CTNND2: variants seen among roughly 807,000 people sequenced by gnomAD.
CTNND2 encodes the protein catenin delta-2.
In CTNND2, 22 loss-of-function variants were observed where a neutral mutation model predicts 144.4. That is an observed-to-expected ratio of 0.15 (90% CI 0.11 to 0.22). The LOEUF is 0.22. Among genes scored for constraint, CTNND2 ranks in the 10% least tolerant of loss-of-function variants. The pLI is 1.00. For synonymous variants in CTNND2, 751 were observed against 695.6 expected (o/e 1.08, Z -1.25); for missense variants, 1,353 against 1,618.8 (o/e 0.84, Z 2.82).
At chr5:11,652,575 GTTTC>G (rs1458579157) in intron 2 of CTNND2, among the ~76,000 whole-genome samples, 2 of 152,052 alleles carry the variant, frequency 1.3e-5, no homozygotes, top group Non-Finnish European at 2.9e-5. Context: ...GGAAAGCATT[GTTTC>G]TTTATTTTCC....
rs903098395 is a variant in CTNND2 at position 11,186,551 on chromosome 5, A to G, written c.1975+12897T>C. Among the ~76,000 whole-genome samples the G allele has an allele frequency of 3.3e-5, 5 of 152,346 alleles. No individual in the cohort carries two copies. In the South Asian group the frequency reaches 8.3e-4, roughly 25 times the overall value. ...ATTTTCATTGGATAGTGTAGTTACC[A>G]TTAGCGTCAAATTATTTTGGCGTCT... On this transcript the variant is annotated intron_variant, in intron 11 of 21. Transcript: ENST00000304623.
At chr5:11,560,004 T>A (rs908282917) in intron 3 of CTNND2, among the ~76,000 whole-genome samples, 3 of 152,138 alleles carry the variant, frequency 2.0e-5, no homozygotes, top group Non-Finnish European at 4.4e-5. Context: ...GTGGCCCACA[T>A]TGCCAGACTC....
intron 3 of CTNND2, among the ~76,000 whole-genome samples, chr5:11,444,041 T>C (rs1011715631): frequency 2.0e-5 from 3 of 152,238 alleles, no homozygotes; most frequent in Non-Finnish European, 4.4e-5. Context: ...GTTGGCTTTG[T>C]TTAATTTCGT....
chr5:11,801,196 G>A (rs1024982350), intron 1 of CTNND2, among the ~76,000 whole-genome samples: 1 of 152,170 alleles, frequency 6.6e-6, no homozygotes, highest in Non-Finnish European at 1.5e-5. Context: ...TAGCTGATGG[G>A]TACCAGTTAA....
At chr5:11,300,860 G>A (rs921890401) in intron 9 of CTNND2, among the ~76,000 whole-genome samples, 5 of 152,144 alleles carry the variant, frequency 3.3e-5, no homozygotes, top group Non-Finnish European at 7.3e-5. Context: ...AGTAGAAAGG[G>A]AAGATGTCTT....
At chr5:11,154,734 GA>G (rs1758062938) in intron 12 of CTNND2, among the ~76,000 whole-genome samples, 1 of 152,190 alleles carries the variant, frequency 6.6e-6, no homozygotes, top group Non-Finnish European at 1.5e-5. Flanking sequence ...CTGGACGCCA[GA>G]AATCTAAAAT....
intron 10 of CTNND2, among the ~76,000 whole-genome samples, chr5:11,225,792 T>G (rs1019564979): frequency 6.6e-6 from 1 of 152,222 alleles, no homozygotes; most frequent in Non-Finnish European, 1.5e-5. Flanking sequence ...CCACAAAAGA[T>G]ATATTGAAAC....
rs535046327 is a variant in CTNND2, at chr5:11,287,248, C to T, written c.1629-50425G>A. On this transcript the variant is annotated intron_variant, in intron 9 of 21. Coordinates refer to ENST00000304623, the MANE Select transcript of CTNND2 (RefSeq NM_001332.4). ...TTAAATCAGTCAACTTTAAGTAAGGCAGATAACCCAAAATGCGCATGGGCC... is the reference window on the plus strand; with the variant it reads ...TTAAATCAGTCAACTTTAAGTAAGGTAGATAACCCAAAATGCGCATGGGCC... Among the ~76,000 whole-genome samples, 7 of 152,128 alleles carry T rather than the reference C, an allele frequency of 4.6e-5. No homozygotes were observed. The South Asian group carries it at 1.2e-3, about 27-fold the overall frequency.
chr5:11,331,810 G>A (rs1211388437), intron 9 of CTNND2, among the ~76,000 whole-genome samples: 1 of 152,130 alleles, frequency 6.6e-6, no homozygotes, highest in Non-Finnish European at 1.5e-5. Context: ...TGGTCAATGA[G>A]TACAAAATTA....
intron 9 of CTNND2, among the ~76,000 whole-genome samples, chr5:11,323,850 C>T (rs1185652263): frequency 6.6e-6 from 1 of 152,064 alleles, no homozygotes; most frequent in Non-Finnish European, 1.5e-5. Flanking sequence ...TAAGCAGATG[C>T]CATCAGAAAA....
chr5:11,092,195 A>C (rs948330595), intron 15 of CTNND2, among the ~76,000 whole-genome samples: 1 of 152,160 alleles, frequency 6.6e-6, no homozygotes, highest in African/African-American at 2.4e-5. Flanking sequence ...AAAAAACCCC[A>C]ATGTTTCACA....
chr5:11,047,161 G>A (rs1745345028), intron 16 of CTNND2, among the ~76,000 whole-genome samples: 1 of 152,164 alleles, frequency 6.6e-6, no homozygotes, highest in Non-Finnish European at 1.5e-5. Flanking sequence ...GTGCACACAG[G>A]CTCTTCATCT....
intron 1 of CTNND2, among the ~76,000 whole-genome samples, chr5:11,902,557 C>T (rs1737996720): frequency 6.6e-6 from 1 of 152,108 alleles, no homozygotes; most frequent in Admixed American, 6.5e-5. Flanking sequence ...AGTTTCAGCA[C>T]CTCCTTGTTT....
intron 1 of CTNND2, among the ~76,000 whole-genome samples, chr5:11,735,632 A>G (rs904926060): frequency 2.6e-5 from 4 of 152,122 alleles, no homozygotes; most frequent in African/African-American, 9.7e-5. Context: ...TAAATCACGG[A>G]GGCAGGTTTT....
rs1191552787 is a variant in CTNND2 at position 11,128,996 on chromosome 5, AAT to A, written c.2160-11431_2160-11430del. On this transcript the variant is annotated intron_variant, in intron 12 of 21. Transcript: ENST00000304623. ...TAATATATAAATATATATAATATAT[AAT>A]ATATAAATATATATTATATATAAAT... 5.0e-3 allele frequency among the ~76,000 whole-genome samples: 255 copies of A among 50,524 alleles called. 36 individuals carry two copies. The highest frequency in any genetic ancestry group is 0.012 in the South Asian group (22 of 1,898). 33.1% of individuals were successfully genotyped at this position (50,524 alleles called of 152,430 possible).
At chr5:11,114,227 C>G (rs756521748) in intron 13 of CTNND2, among the ~76,000 whole-genome samples, 1 of 152,170 alleles carries the variant, frequency 6.6e-6, no homozygotes, top group Admixed American at 6.5e-5. Context: ...TCCCACTGTT[C>G]GTCTTCCCTG....
intron 16 of CTNND2, among the ~76,000 whole-genome samples, chr5:11,071,724 A>G (rs532175082): frequency 6.6e-6 from 1 of 152,212 alleles, no homozygotes. Flanking sequence ...GGCAGAGGGC[A>G]GGAACCCCCA....
chr5:11,901,002 AT>A (rs915946358), intron 1 of CTNND2, among the ~76,000 whole-genome samples: 43 of 152,308 alleles, frequency 2.8e-4, no homozygotes, highest in African/African-American at 1.0e-3. Flanking sequence ...GGGTGTTCCC[AT>A]TTTCTGTGGC....
At chr5:11,083,992 C>G in intron 15 of CTNND2, 1 of 1,049,610 alleles carries the variant, frequency 9.5e-7, no homozygotes, top group Admixed American at 5.3e-5. Flanking sequence ...CAACTTCATC[C>G]TGTCCTACAT....
Sources: allele counts gnomAD v4.1 joint callset (sites outside exome capture counted in the v4.1 genomes callset), GRCh38; gene constraint gnomAD v4.1.1; transcripts MANE v1.5; gene names NCBI Gene and HGNC (gene_info 2026-07-23, HGNC 2026-07-21).